ERGIC1: variants seen among roughly 807,000 people sequenced by gnomAD.
ERGIC1 encodes endoplasmic reticulum-golgi intermediate compartment 1, also known as endoplasmic reticulum-Golgi intermediate compartment protein 1.
In ERGIC1, 19 loss-of-function variants were observed where a neutral mutation model predicts 38.3. The ratio of observed to expected loss-of-function variants is 0.50; its 90% CI spans 0.35 to 0.73. ERGIC1 has a LOEUF of 0.73. Among genes scored for constraint, ERGIC1 ranks in the 30% least tolerant of loss-of-function variants. ERGIC1 has a pLI of 0.01. For missense variants in ERGIC1, 294 were observed against 389.2 expected (o/e 0.76, Z 2.06); for synonymous variants, 124 against 157.6 (o/e 0.79, Z 1.60).
intron 1 of ERGIC1, among the ~76,000 whole-genome samples, chr5:172,836,347 C>T (rs912742293): frequency 1.3e-5 from 2 of 152,178 alleles, no homozygotes; most frequent in Non-Finnish European, 2.9e-5. Flanking sequence ...GAGAGAAATG[C>T]TCAGCTCTGA....
At chr5:172,838,450 C>T (rs1285673394) in intron 1 of ERGIC1, among the ~76,000 whole-genome samples, 2 of 152,172 alleles carry the variant, frequency 1.3e-5, no homozygotes, top group Non-Finnish European at 2.9e-5. Flanking sequence ...TCACTCTGGC[C>T]TTCTGAGTGG....
At chr5:172,872,640 CCCTG>C (rs977293550) in intron 1 of ERGIC1, among the ~76,000 whole-genome samples, 1 of 152,106 alleles carries the variant, frequency 6.6e-6, no homozygotes. Flanking sequence ...CATGATGAAA[CCCTG>C]CCTCTAGTAA....
At chr5:172,866,950 T>A (rs910258343) in intron 1 of ERGIC1, 14 of 340,166 alleles carry the variant, frequency 4.1e-5, no homozygotes, top group Non-Finnish European at 8.3e-5. Context: ...AGGTGCTGAA[T>A]GAATGCATGA....
At chr5:172,946,855 T>C (rs2113493589) in intron 9 of ERGIC1, among the ~76,000 whole-genome samples, 1 of 143,390 alleles carries the variant, frequency 7.0e-6, no homozygotes, top group South Asian at 2.3e-4. Context: ...AATGTGGGCC[T>C]GGCCACTAGA....
intron 3 of ERGIC1, among the ~76,000 whole-genome samples, chr5:172,899,198 A>C (rs548776591): frequency 6.6e-6 from 1 of 152,094 alleles, no homozygotes; most frequent in South Asian, 2.1e-4. Context: ...GAAGGCAGGA[A>C]GAAGGCCAAT....
chr5:172,927,579 CTT>C (rs35565131), intron 7 of ERGIC1, among the ~76,000 whole-genome samples: 77 of 131,232 alleles, frequency 5.9e-4, no homozygotes, highest in Non-Finnish European at 6.0e-4. Context: ...CTCTGCTGTG[CTT>C]TTTTTTTTTT....
At chr5:172,875,139 G>T (rs1310762602) in intron 1 of ERGIC1, among the ~76,000 whole-genome samples, 1 of 152,170 alleles carries the variant, frequency 6.6e-6, no homozygotes, top group East Asian at 1.9e-4. Flanking sequence ...TCTTTTACAT[G>T]CTATCTATAA....
intron 3 of ERGIC1, among the ~76,000 whole-genome samples, chr5:172,902,302 G>T (rs989661135): frequency 6.6e-6 from 1 of 152,208 alleles, no homozygotes; most frequent in African/African-American, 2.4e-5. Flanking sequence ...GGCCCGGAGT[G>T]GGGAGCAGTG....
At chr5:172,852,967 C>T (rs1287340698) in intron 1 of ERGIC1, among the ~76,000 whole-genome samples, 1 of 152,242 alleles carries the variant, frequency 6.6e-6, no homozygotes, top group African/African-American at 2.4e-5. Context: ...CACCTAAACT[C>T]CCTGGCAGTA....
chr5:172,900,797 G>A (rs1367444796), intron 3 of ERGIC1, among the ~76,000 whole-genome samples: 1 of 152,162 alleles, frequency 6.6e-6, no homozygotes, highest in Admixed American at 6.5e-5. Context: ...GCTGGAGAGA[G>A]GGAGGGAGGC....
Position 172,923,960 on chromosome 5 carries a change from C to T in ERGIC1, c.376-45C>T, listed in dbSNP as rs1763593027. ...GGGTGAGGCCCCAATGTTCCGCCCC[C>T]TGGAGAAGTCAACCAAACTCCTGAA... On this transcript the variant is annotated intron_variant, in intron 5 of 9. Transcript: ENST00000393784. 5.7e-6 allele frequency: 9 copies of T among 1,577,740 alleles called. No individual in the cohort carries two copies. In the East Asian group the frequency reaches 1.1e-4, roughly 20 times the overall value.
rs1404127504 is a variant in ERGIC1, at chr5:172,834,604, C to A, written c.20+171C>A. ...AGCCCCCCCCCTGCCGCACACGAAG[C>A]CAGCCAGAGCCGCGGAGGCCCCCTC... On this transcript the variant is annotated intron_variant, in intron 1 of 9. Coordinates refer to ENST00000393784, the MANE Select transcript of ERGIC1 (RefSeq NM_001031711.3). This position sits in a 1 kb window ranked among gnomAD's most constrained non-coding sequence, Gnocchi z 4.1. 4.5e-5 allele frequency among the ~76,000 whole-genome samples: 6 copies of A among 134,270 alleles called. No homozygotes were observed. The highest frequency in any genetic ancestry group is 2.5e-4 in the South Asian group (1 of 3,938). 88.1% of individuals were successfully genotyped at this position (134,270 alleles called of 152,430 possible).
intron 1 of ERGIC1, among the ~76,000 whole-genome samples, chr5:172,858,931 G>A (rs1269090333): frequency 1.3e-5 from 2 of 152,214 alleles, no homozygotes; most frequent in East Asian, 3.9e-4. Flanking sequence ...AGGTCAAAAG[G>A]TCTGTGTGGT....
intron 1 of ERGIC1, among the ~76,000 whole-genome samples, chr5:172,855,684 G>A (rs557738019): frequency 1.3e-5 from 2 of 152,342 alleles, no homozygotes; most frequent in Non-Finnish European, 1.5e-5. Flanking sequence ...TTGGTGCTGG[G>A]GCAGGGAGCC....
chr5:172,896,942 G>A, intron 2 of ERGIC1, 60 bp from the exon 3 acceptor site: 1 of 1,504,806 alleles, frequency 6.6e-7, no homozygotes, highest in East Asian at 2.3e-5. Flanking sequence ...CCTCTAGGCT[G>A]GTCTCCCTTC....
intron 9 of ERGIC1, among the ~76,000 whole-genome samples, chr5:172,939,635 G>A (rs1320355883): frequency 1.6e-4 from 24 of 152,242 alleles, no homozygotes; most frequent in Admixed American, 1.6e-3. Flanking sequence ...AGCGTGGGCT[G>A]GCAAAGCCCT....
chr5:172,904,563 T>C (rs1020466043), intron 3 of ERGIC1, among the ~76,000 whole-genome samples: 7 of 152,232 alleles, frequency 4.6e-5, no homozygotes, highest in Admixed American at 3.3e-4. Context: ...GTCAGGCCCA[T>C]GGAAGTCCTC....
intron 9 of ERGIC1, among the ~76,000 whole-genome samples, chr5:172,950,341 C>T (rs942879716): frequency 1.3e-5 from 2 of 152,158 alleles, no homozygotes; most frequent in African/African-American, 4.8e-5. Flanking sequence ...AGAGTTAAGA[C>T]GTACCTGTGT....
chr5:172,851,333 C>A (rs1460905781), intron 1 of ERGIC1, among the ~76,000 whole-genome samples: 1 of 151,504 alleles, frequency 6.6e-6, no homozygotes, highest in African/African-American at 2.4e-5. Context: ...ATATGGTGAG[C>A]TCCCGTTTCT....
Sources: gnomAD v4.1 joint callset for allele counts (sites outside exome capture counted in the v4.1 genomes callset) on GRCh38, gnomAD v4.1.1 for gene constraint, Gnocchi (gnomAD v3.1) non-coding constraint, MANE v1.5 for transcripts, NCBI Gene and HGNC (gene_info 2026-07-23, HGNC 2026-07-21) for gene names.